The following MRPS27 variants were observed in gnomAD, a reference collection of about 807,000 sequenced individuals.
MRPS27 encodes small ribosomal subunit protein mS27.
In MRPS27, 43 loss-of-function variants were observed where a neutral mutation model predicts 48.9. That is an observed-to-expected ratio of 0.88 (90% confidence interval 0.69 to 1.13). MRPS27 has a LOEUF of 1.13. MRPS27 is among the 50% of genes most tolerant of loss of function. The pLI is 0.00. For missense variants in MRPS27, 467 were observed against 476.3 expected (o/e 0.98, Z 0.18); for synonymous variants, 188 against 171.9 (o/e 1.09, Z -0.73).
At chr5:72,251,327 C>A (rs1037054098) in intron 4 of MRPS27, among the ~76,000 whole-genome samples, 14 of 152,274 alleles carry the variant, frequency 9.2e-5, no homozygotes, top group African/African-American at 3.4e-4. Flanking sequence ...AACAGAGAGG[C>A]TTTTTACAAT....
At chr5:72,297,999 T>C (rs1359660976) in intron 2 of MRPS27, among the ~76,000 whole-genome samples, 5 of 152,174 alleles carry the variant, frequency 3.3e-5, no homozygotes, top group African/African-American at 1.2e-4. Context: ...CAGAAAGAAT[T>C]TATGACTAAG....
Position 72,320,036 on chromosome 5 carries a change from T to G in MRPS27, c.73+113A>C. The G allele has an allele frequency of 2.7e-6, 3 of 1,105,800 alleles. No individual in the cohort carries two copies. The South Asian group carries it at 4.0e-5, about 15-fold the overall frequency. The allele number at this position is 1,105,800 out of a possible 1,614,324, so 68.5% of individuals were successfully genotyped here. On this transcript the variant is annotated intron_variant, in intron 1 of 10. Transcript: ENST00000261413. Reference sequence around the variant, plus strand: ...CTTCTGCACTACCAAACACCCCAAATGGCGTCCCTAGCAATCAGATTCCAG... The same window carrying G: ...CTTCTGCACTACCAAACACCCCAAAGGGCGTCCCTAGCAATCAGATTCCAG...
chr5:72,314,288 A>G, intron 1 of MRPS27, 130 bp from the exon 2 acceptor site: 2 of 548,828 alleles, frequency 3.6e-6, no homozygotes, highest in South Asian at 7.5e-5. Context: ...AATACAGTAC[A>G]GCAACCAATA....
intron 4 of MRPS27, among the ~76,000 whole-genome samples, chr5:72,238,419 T>C (rs554037778): frequency 2.0e-4 from 31 of 152,298 alleles, no homozygotes; most frequent in African/African-American, 7.5e-4. Context: ...TTGGGAAAAA[T>C]ACTCTACTAA....
chr5:72,226,003 A>G (rs1747884011), intron 9 of MRPS27, 54 bp downstream of exon 9: 1 of 1,554,766 alleles, frequency 6.4e-7, no homozygotes, highest in East Asian at 2.3e-5. Flanking sequence ...TTTAAAGCTC[A>G]GGTTATGGGA....
At chr5:72,318,913 T>G (rs530466446) in intron 1 of MRPS27, among the ~76,000 whole-genome samples, 1 of 152,314 alleles carries the variant, frequency 6.6e-6, no homozygotes, top group East Asian at 1.9e-4. Flanking sequence ...TAATTCTTAC[T>G]AAGGTGTCAA....
At position 72,245,005 on chromosome 5, in the gene MRPS27, G is replaced by A. The variant is rs533926041; in HGVS notation, c.282-6877C>T. ...AAAGAGCAATATGTGTAGATAACCA[G>A]GGAGGATTACTTGTGGGGAGAATGG... On this transcript the variant is annotated intron_variant, in intron 4 of 10. Transcript: ENST00000261413. Among the ~76,000 whole-genome samples the A allele has an allele frequency of 1.0e-3, 153 of 151,910 alleles. 1 individual carries two copies. The highest frequency in any genetic ancestry group is 1.9e-3 in the Non-Finnish European group (127 of 67,904).
At chr5:72,316,323 A>C (rs1750561982) in intron 1 of MRPS27, among the ~76,000 whole-genome samples, 1 of 152,088 alleles carries the variant, frequency 6.6e-6, no homozygotes, top group Non-Finnish European at 1.5e-5. Context: ...TGGCTCCAGA[A>C]CTCTGTGTTT....
chr5:72,287,933 G>C (rs189752340), intron 4 of MRPS27, among the ~76,000 whole-genome samples: 2 of 152,172 alleles, frequency 1.3e-5, no homozygotes, highest in African/African-American at 2.4e-5. Flanking sequence ...ATGAAAGCAC[G>C]CATCTATACA....
intron 4 of MRPS27, among the ~76,000 whole-genome samples, chr5:72,287,288 A>G (rs1173251120): frequency 2.0e-5 from 3 of 152,280 alleles, no homozygotes; most frequent in Non-Finnish European, 4.4e-5. Flanking sequence ...CCTACCTTAG[A>G]GAACACCAAA....
rs368328469 is a variant in MRPS27 at position 72,320,209 on chromosome 5, T to C, written c.13A>G (p.Ile5Val). MAAS[I>V]VRRGMLLARQ... ...GCCAGGAGCATCCCGCGCCGCACTA[T>C]GGAGGCAGCCATCTTGGAGCGTACC... Residue 5 changes from isoleucine (I) to valine (V), a missense_variant, in exon 1 of 11, where the codon ATA becomes GTA. Ile to Val is a conservative substitution (Grantham distance 29, BLOSUM62 3). Transcript: ENST00000261413. 121 of 1,613,820 alleles carry C rather than the reference T, an allele frequency of 7.5e-5. No homozygotes were observed. In the African/African-American group the frequency reaches 1.3e-3, roughly 18 times the overall value.
chr5:72,262,645 G>A (rs1048975036), intron 4 of MRPS27, among the ~76,000 whole-genome samples: 1 of 152,142 alleles, frequency 6.6e-6, no homozygotes, highest in Admixed American at 6.5e-5. Flanking sequence ...GAGGGGTGAT[G>A]AAAGCAAGTG....
chr5:72,238,568 CA>C (rs1412901005), intron 4 of MRPS27, among the ~76,000 whole-genome samples: 2 of 152,162 alleles, frequency 1.3e-5, no homozygotes, highest in Non-Finnish European at 2.9e-5. Context: ...CTTTGAGTAA[CA>C]GTGATACTTC....
intron 2 of MRPS27, among the ~76,000 whole-genome samples, chr5:72,312,110 C>T (rs188990404): frequency 2.0e-5 from 3 of 152,150 alleles, no homozygotes; most frequent in South Asian, 2.1e-4. Flanking sequence ...CCAGCCTGGG[C>T]GATAGATAGT....
intron 4 of MRPS27, among the ~76,000 whole-genome samples, chr5:72,264,892 TA>T (rs1749070411): frequency 1.3e-5 from 2 of 152,034 alleles, no homozygotes; most frequent in South Asian, 4.1e-4. Flanking sequence ...CCTAGGAAAC[TA>T]AAAAATAATG....
At chr5:72,284,132 G>C (rs1007169324) in intron 4 of MRPS27, among the ~76,000 whole-genome samples, 24 of 151,774 alleles carry the variant, frequency 1.6e-4, no homozygotes, top group Admixed American at 1.6e-3. Flanking sequence ...ATTTTTTCAG[G>C]CTAGGTGTGG....
Position 72,305,487 on chromosome 5 carries a change from A to C in MRPS27, c.152-7785T>G, listed in dbSNP as rs146659811. 2.0e-3 allele frequency among the ~76,000 whole-genome samples: 302 copies of C among 152,306 alleles called. 1 individual carries two copies. Among genetic ancestry groups the C allele is most frequent in the African/African-American group, 7.1e-3 (296 of 41,570 alleles). ...CTGAATGCAAATGTGTCAAGGAAAT[A>C]CTCTTTGGATTCAAAAAGGAGGTTC... On this transcript the variant is annotated intron_variant, in intron 2 of 10. Coordinates refer to ENST00000261413, the MANE Select transcript of MRPS27 (RefSeq NM_015084.3).
chr5:72,239,532 A>G (rs1748295841), intron 4 of MRPS27, among the ~76,000 whole-genome samples: 1 of 152,156 alleles, frequency 6.6e-6, no homozygotes, highest in African/African-American at 2.4e-5. Flanking sequence ...GAAATATGTC[A>G]AATTAGGTTT....
intron 3 of MRPS27, among the ~76,000 whole-genome samples, chr5:72,296,214 A>T (rs1749976241): frequency 6.6e-6 from 1 of 152,164 alleles, no homozygotes; most frequent in South Asian, 2.1e-4. Context: ...CTATTCTAAA[A>T]TAGAGACTCA....
Sources: gnomAD v4.1 joint callset for allele counts (sites outside exome capture counted in the v4.1 genomes callset) on GRCh38, gnomAD v4.1.1 for gene constraint, MANE v1.5 for transcripts, NCBI Gene and HGNC (gene_info 2026-07-23, HGNC 2026-07-21) for gene names.